MORN1: variants seen among roughly 807,000 people sequenced by gnomAD.
MORN1 encodes the protein MORN repeat containing 1.
Under a neutral mutation model 61.9 loss-of-function variants are expected in MORN1, and 67 were observed. The ratio of observed to expected loss-of-function variants is 1.08; its 90% confidence interval spans 0.89 to 1.33. MORN1 has a LOEUF of 1.33. Ranked by LOEUF, MORN1 falls within the 40% of genes most tolerant of loss-of-function variation. The probability of loss-of-function intolerance (pLI) is 0.00; values close to 1 mark genes in which losing one functional copy is unlikely to be tolerated. For synonymous variants in MORN1, 301 were observed against 292.0 expected (o/e 1.03, Z -0.31); for missense variants, 752 against 691.2 (o/e 1.09, Z -0.99).
chr1:2,336,926 G>T lies in MORN1; in HGVS notation c.1037-76C>A, dbSNP rs2100256205. 3.6e-6 allele frequency: 5 copies of T among 1,406,156 alleles called. No homozygotes were observed. The South Asian group carries it at 8.4e-5, about 24-fold the overall frequency. The allele number at this position is 1,406,156 out of a possible 1,614,324, so 87.1% of individuals were successfully genotyped here. ...GGAGGGAGCCCCACAGGGCTGTGCTGAAGTGTGGCTCTGGCCAGGGCAGCG... is the reference window on the plus strand; with the variant it reads ...GGAGGGAGCCCCACAGGGCTGTGCTTAAGTGTGGCTCTGGCCAGGGCAGCG... On this transcript the variant is annotated intron_variant, in intron 10 of 13. Transcript: ENST00000378531.
chr1:2,388,496 A>C (rs1332303022), intron 2 of MORN1, 159 bp from the exon 3 acceptor site: 7 of 585,120 alleles, frequency 1.2e-5, no homozygotes, highest in Non-Finnish European at 2.1e-5. Context: ...AAATAAAAAA[A>C]TGTTCTCAAA....
At chr1:2,344,383 G>A (rs926011769) in intron 10 of MORN1, among the ~76,000 whole-genome samples, 3 of 152,234 alleles carry the variant, frequency 2.0e-5, no homozygotes, top group Non-Finnish European at 2.9e-5. Context: ...GGCTCCGAGC[G>A]TCCCCCACAG....
Position 2,334,421 on chromosome 1 carries a change from C to G in MORN1, c.1250+2048G>C, listed in dbSNP as rs1270164126. Among the ~76,000 whole-genome samples, 1 of 152,186 alleles carries G rather than the reference C, an allele frequency of 6.6e-6. No individual in the cohort carries two copies. Among genetic ancestry groups the G allele is most frequent in the Non-Finnish European group, 1.5e-5 (1 of 68,024 alleles). The stretch of plus-strand genomic sequence containing the variant: ...CTTCACCTCCATGCTGGGTTCTCAA[C>G]CCAGGAGCGGGCAGAGCTTACGGAG... On this transcript the variant is annotated intron_variant, in intron 12 of 13. Coordinates refer to ENST00000378531, the MANE Select transcript of MORN1 (RefSeq NM_024848.3). This position sits in a 1 kb window ranked among gnomAD's most constrained non-coding sequence, Gnocchi z 5.4.
intron 8 of MORN1, among the ~76,000 whole-genome samples, chr1:2,361,298 C>T (rs138090544): frequency 1.7e-4 from 24 of 145,026 alleles, no homozygotes; most frequent in African/African-American, 6.2e-4. Flanking sequence ...GACTCACACC[C>T]GTAATCCCAG....
chr1:2,322,703 A>G, intron 13 of MORN1: 1 of 985,428 alleles, frequency 1.0e-6, no homozygotes. Flanking sequence ...CAGTGTTTCC[A>G]AGCAGCCCGG....
At position 2,334,627 on chromosome 1, in the gene MORN1, G is replaced by A. The variant is rs749833082; in HGVS notation, c.1250+1842C>T. Among the ~76,000 whole-genome samples the A allele has an allele frequency of 6.6e-5, 10 of 152,276 alleles. No individual in the cohort carries two copies. The highest frequency in any genetic ancestry group is 6.2e-4 in the South Asian group (3 of 4,820). On this transcript the variant is annotated intron_variant, in intron 12 of 13. Coordinates refer to ENST00000378531, the MANE Select transcript of MORN1 (RefSeq NM_024848.3). The surrounding 1 kb of genome is among the most constrained non-coding windows in gnomAD (Gnocchi z 5.4). ...CCGGCAGGAGGCAGGGGAAGTGGCCGCTGGTCACAGATGTGTGCCCCGAAG... is the reference window on the plus strand; with the variant it reads ...CCGGCAGGAGGCAGGGGAAGTGGCCACTGGTCACAGATGTGTGCCCCGAAG...
intron 10 of MORN1, among the ~76,000 whole-genome samples, chr1:2,346,348 A>G (rs1641515641): frequency 6.6e-6 from 1 of 152,156 alleles, no homozygotes. Flanking sequence ...GATTACAGGG[A>G]CCTCACCTGG....
At chr1:2,340,307 G>T in intron 10 of MORN1, among the ~76,000 whole-genome samples, 1 of 152,108 alleles carries the variant, frequency 6.6e-6, no homozygotes, top group East Asian at 1.9e-4. Context: ...CAGCCCTGGC[G>T]GCCAGCAGCC....
chr1:2,341,604 T>C (rs1485086526), intron 10 of MORN1, among the ~76,000 whole-genome samples: 1 of 150,342 alleles, frequency 6.7e-6, no homozygotes, highest in Non-Finnish European at 1.5e-5. Context: ...GGCACGAGAA[T>C]CGCTTGAACA....
chr1:2,355,289 G>A, intron 10 of MORN1: 1 of 1,448,994 alleles, frequency 6.9e-7, no homozygotes, highest in Middle Eastern at 2.5e-4. Context: ...GCCCCCCGTG[G>A]GCCTGTTGGC....
intron 10 of MORN1, among the ~76,000 whole-genome samples, chr1:2,349,159 G>A (rs1287142808): frequency 6.6e-6 from 1 of 152,230 alleles, no homozygotes; most frequent in East Asian, 1.9e-4. Flanking sequence ...GGACTTGATG[G>A]CTTTGGGACT....
At chr1:2,325,159 CCCTTCCTTCCTTT>C (rs779853521) in intron 12 of MORN1, among the ~76,000 whole-genome samples, 3,507 of 74,490 alleles carry the variant, frequency 0.047, 179 homozygotes, top group Non-Finnish European at 0.08. Context: ...TTCCTTCCCT[CCCTTCCTTCCTTT>C]CCTTCCTTCC....
intron 12 of MORN1, among the ~76,000 whole-genome samples, chr1:2,334,000 G>C (rs1641214385): frequency 6.6e-6 from 1 of 152,208 alleles, no homozygotes; most frequent in Admixed American, 6.5e-5. Context: ...AGACCAGAGG[G>C]AGGGGTGCAT....
intron 10 of MORN1, among the ~76,000 whole-genome samples, chr1:2,345,478 G>T (rs1221597607): frequency 1.3e-5 from 2 of 152,230 alleles, no homozygotes; most frequent in Non-Finnish European, 2.9e-5. Context: ...GAACAACAAG[G>T]GCCAGGCTCT....
chr1:2,377,562 G>C (rs573214710), intron 6 of MORN1: 5 of 152,362 alleles, frequency 3.3e-5, no homozygotes, highest in African/African-American at 1.2e-4. Flanking sequence ...GGCAGAAGAG[G>C]TTGTGAGTGC....
chr1:2,323,274 A>G (rs763355139), intron 13 of MORN1: 86 of 985,254 alleles, frequency 8.7e-5, no homozygotes, highest in Non-Finnish European at 9.9e-5. Context: ...CCCCACGACC[A>G]GGGTGGCTCT....
intron 12 of MORN1, among the ~76,000 whole-genome samples, chr1:2,331,792 G>T (rs1038988172): frequency 1.3e-5 from 2 of 152,184 alleles, no homozygotes; most frequent in Non-Finnish European, 2.9e-5. Context: ...AACCACTGCC[G>T]CTCCTCTCCC....
At chr1:2,375,930 A>C (rs564656670) in intron 6 of MORN1, 4 of 152,540 alleles carry the variant, frequency 2.6e-5, no homozygotes, top group African/African-American at 7.2e-5. Context: ...AGTCCGGTTC[A>C]CCGTGCCACC....
chr1:2,326,028 G>A (rs558948657), intron 12 of MORN1, among the ~76,000 whole-genome samples: 4 of 152,082 alleles, frequency 2.6e-5, no homozygotes, highest in South Asian at 2.1e-4. Flanking sequence ...GCACCCTCCC[G>A]CGGCCTCCTC....
Sources: gnomAD v4.1 joint callset for allele counts (sites outside exome capture counted in the v4.1 genomes callset) on GRCh38, gnomAD v4.1.1 for gene constraint, Gnocchi (gnomAD v3.1) non-coding constraint, MANE v1.5 for transcripts, NCBI Gene and HGNC (gene_info 2026-07-23, HGNC 2026-07-21) for gene names.